The following ADAMTSL1 variants were observed in gnomAD, a reference collection of about 807,000 sequenced individuals.
ADAMTSL1 encodes the protein ADAMTS like 1.
In ADAMTSL1, 126 loss-of-function variants were observed where a neutral mutation model predicts 201.8. The ratio of observed to expected loss-of-function variants is 0.62; its 90% CI spans 0.54 to 0.72. ADAMTSL1 has a LOEUF of 0.72. Among genes scored for constraint, ADAMTSL1 ranks in the 30% least tolerant of loss-of-function variants. The pLI is 0.00. For synonymous variants in ADAMTSL1, 1,121 were observed against 903.4 expected, an observed-to-expected ratio of 1.24 and a Z score of -4.32; for missense variants, 2,679 against 2,277.8, an observed-to-expected ratio of 1.18 and a Z score of -3.59.
intron 1 of ADAMTSL1, among the ~76,000 whole-genome samples, chr9:18,502,915 ATAAT>A (rs1036399424): frequency 2.6e-5 from 4 of 152,168 alleles, no homozygotes; most frequent in East Asian, 1.9e-4. Context: ...CATATTAATA[ATAAT>A]TAATAAATAA....
rs1284745152 is a variant in ADAMTSL1, at chr9:18,115,156, CATAG to C, written c.88-48704_88-48701del. Among the ~76,000 whole-genome samples the C allele has an allele frequency of 2.0e-5, 3 of 152,230 alleles. No individual in the cohort carries two copies. In the South Asian group the frequency reaches 6.2e-4, roughly 32 times the overall value. On this transcript the variant is annotated intron_variant, in intron 1 of 29. Coordinates refer to the ADAMTSL1 transcript ENST00000680146. ...ACAGATTTCCATCAATTCAAAACAT[CATAG>C]ACAATCCTGTATTTGCAGTGGGCTT...
intron 24 of ADAMTSL1, 73 bp from the exon 25 acceptor site, chr9:18,889,495 C>G: frequency 3.9e-6 from 6 of 1,528,204 alleles, no homozygotes; most frequent in Non-Finnish European, 5.4e-6. Context: ...TCTCCCTGCC[C>G]TGCTCAGAAG....
chr9:18,029,273 C>G (rs541513196), intron 1 of ADAMTSL1, among the ~76,000 whole-genome samples: 3 of 152,150 alleles, frequency 2.0e-5, no homozygotes, highest in African/African-American at 7.2e-5. Context: ...CCTCATTGCC[C>G]TGGCCAGAAC....
At chr9:18,254,329 G>T (rs747389741) in intron 2 of ADAMTSL1, among the ~76,000 whole-genome samples, 1 of 128,880 alleles carries the variant, frequency 7.8e-6, no homozygotes, top group Non-Finnish European at 1.6e-5. Flanking sequence ...TGGAACTACC[G>T]TCAATACTCT....
chr9:18,339,095 TG>T lies in ADAMTSL1; in HGVS notation c.208-165733del, dbSNP rs1401932662. Among the ~76,000 whole-genome samples, 842 of 152,262 alleles carry T rather than the reference TG, an allele frequency of 5.5e-3. 9 individuals are homozygous for T. Among genetic ancestry groups the T allele is most frequent in the African/African-American group, 0.02 (813 of 41,564 alleles). ...GCTGCAGTGAACATACTCATGCACG[TG>T]TCTTTATGTCAGAAACATATTTAAA... On this transcript the variant is annotated intron_variant, in intron 2 of 29. Transcript: ENST00000680146.
chr9:18,484,725 G>A (rs1230934848), intron 1 of ADAMTSL1, among the ~76,000 whole-genome samples: 1 of 152,160 alleles, frequency 6.6e-6, no homozygotes, highest in African/African-American at 2.4e-5. Flanking sequence ...TATTAAGCAG[G>A]ACTGTCTTGG....
intron 2 of ADAMTSL1, among the ~76,000 whole-genome samples, chr9:18,436,435 T>C (rs1219697014): frequency 6.6e-6 from 1 of 152,212 alleles, no homozygotes; most frequent in Middle Eastern, 3.2e-3. Context: ...TTATTTCACT[T>C]CTACTCAGTT....
rs1443078398 is a variant in ADAMTSL1, at chr9:18,376,378, G to GTGAGAGT, written c.208-128451_208-128450insTGAGAGT. Among the ~76,000 whole-genome samples, 7 of 152,218 alleles carry GTGAGAGT rather than the reference G, an allele frequency of 4.6e-5. No individual in the cohort carries two copies. The East Asian group carries it at 1.4e-3, about 29-fold the overall frequency. On this transcript the variant is annotated intron_variant, in intron 2 of 29. Transcript: ENST00000680146. Reference sequence around the variant, plus strand: ...CATGGGTGAGGGTGAGAGGTGAGAGGGTGGAGAGAGAACCTGAAAGCAGTG... The same window carrying GTGAGAGT: ...CATGGGTGAGGGTGAGAGGTGAGAGGTGAGAGTGTGGAGAGAGAACCTGAAAGCAGTG...
chr9:18,839,960 G>A (rs200209513), intron 23 of ADAMTSL1, among the ~76,000 whole-genome samples: 38 of 149,682 alleles, frequency 2.5e-4, no homozygotes, highest in African/African-American at 5.5e-4. Flanking sequence ...AGTAGGTTGC[G>A]AAAATTTTCT....
intron 3 of ADAMTSL1, among the ~76,000 whole-genome samples, chr9:18,568,577 G>A (rs1205978210): frequency 6.6e-6 from 1 of 152,138 alleles, no homozygotes; most frequent in East Asian, 1.9e-4. Context: ...GCAGTTGTTG[G>A]AGGATAAAGT....
intron 2 of ADAMTSL1, among the ~76,000 whole-genome samples, chr9:18,181,886 C>T (rs1436287230): frequency 1.3e-5 from 2 of 152,044 alleles, no homozygotes; most frequent in Non-Finnish European, 2.9e-5. Flanking sequence ...TGGAGCCAAC[C>T]CAAATGTCCA....
chr9:17,937,638 T>C (rs1371516456), intron 1 of ADAMTSL1, among the ~76,000 whole-genome samples: 4 of 150,322 alleles, frequency 2.7e-5, no homozygotes, highest in African/African-American at 9.8e-5. Context: ...CTTGTTGATT[T>C]AAATTCCTTA....
chr9:18,456,622 A>G (rs1820616718), intron 2 of ADAMTSL1, among the ~76,000 whole-genome samples: 2 of 152,164 alleles, frequency 1.3e-5, no homozygotes, highest in Admixed American at 6.5e-5. Context: ...ATTTCTTTTT[A>G]TTCGATTACC....
At chr9:18,255,932 T>A (rs1831665785) in intron 2 of ADAMTSL1, among the ~76,000 whole-genome samples, 1 of 152,236 alleles carries the variant, frequency 6.6e-6, no homozygotes, top group Non-Finnish European at 1.5e-5. Context: ...GTGGTCTTGT[T>A]TCTCATATGC....
At chr9:18,442,681 C>A (rs949714746) in intron 2 of ADAMTSL1, among the ~76,000 whole-genome samples, 2 of 152,142 alleles carry the variant, frequency 1.3e-5, no homozygotes, top group African/African-American at 4.8e-5. Context: ...GAGTAACATA[C>A]CTTTAGCTGC....
At chr9:18,120,291 G>C (rs1825441867) in intron 1 of ADAMTSL1, among the ~76,000 whole-genome samples, 1 of 152,208 alleles carries the variant, frequency 6.6e-6, no homozygotes, top group South Asian at 2.1e-4. Context: ...TGATTCCAGA[G>C]AGCATACAAC....
At chr9:17,943,085 C>T (rs1432497683) in intron 1 of ADAMTSL1, among the ~76,000 whole-genome samples, 1 of 152,006 alleles carries the variant, frequency 6.6e-6, no homozygotes, top group Non-Finnish European at 1.5e-5. Context: ...CTATGCCAGG[C>T]TAATTTCTTT....
chr9:17,990,891 T>C (rs1396170036), intron 1 of ADAMTSL1, among the ~76,000 whole-genome samples: 1 of 152,242 alleles, frequency 6.6e-6, no homozygotes, highest in Non-Finnish European at 1.5e-5. Flanking sequence ...CTTTACCTAG[T>C]AGGAAACTTG....
intron 3 of ADAMTSL1, among the ~76,000 whole-genome samples, chr9:18,538,516 C>T (rs1019927560): frequency 6.6e-6 from 1 of 151,976 alleles, no homozygotes; most frequent in East Asian, 1.9e-4. Context: ...AGATTTGGAT[C>T]TGAATGCAGA....
Sources: allele counts gnomAD v4.1 joint callset (sites outside exome capture counted in the v4.1 genomes callset), GRCh38; gene constraint gnomAD v4.1.1; transcripts MANE v1.5; gene names NCBI Gene and HGNC (gene_info 2026-07-23, HGNC 2026-07-21).